The following TMEM150C variants were observed in gnomAD, a reference collection of about 807,000 sequenced individuals.
TMEM150C encodes tentonin 3.
TMEM150C carries 10 observed loss-of-function variants against 29.9 expected under a neutral mutation model. The ratio of observed to expected loss-of-function variants is 0.33; its 90% CI spans 0.21 to 0.57. TMEM150C has a LOEUF of 0.57. Among genes scored for constraint, TMEM150C ranks in the 20% least tolerant of loss-of-function variants. The pLI, the probability that TMEM150C is intolerant of heterozygous loss-of-function variation, is 0.88. For missense variants in TMEM150C, 251 were observed against 303.6 expected (o/e 0.83, Z 1.29); for synonymous variants, 101 against 112.5 (o/e 0.90, Z 0.64).
intron 1 of TMEM150C, among the ~76,000 whole-genome samples, chr4:82,524,889 C>A (rs1167641443): frequency 6.6e-6 from 1 of 152,184 alleles, no homozygotes; most frequent in Admixed American, 6.5e-5. Context: ...GCTAGACAGG[C>A]ATCCTGGGTA....
chr4:82,517,464 C>A (rs918713756), intron 1 of TMEM150C, among the ~76,000 whole-genome samples: 1 of 152,172 alleles, frequency 6.6e-6, no homozygotes, highest in Non-Finnish European at 1.5e-5. Flanking sequence ...AAAACTCACC[C>A]TTACCAATGT....
intron 5 of TMEM150C, among the ~76,000 whole-genome samples, chr4:82,499,311 T>G (rs1723653528): frequency 6.6e-6 from 1 of 152,214 alleles, no homozygotes; most frequent in Non-Finnish European, 1.5e-5. Context: ...ATTTTTAGAT[T>G]TCACTAACAG....
At chr4:82,543,913 C>T (rs536028791) in intron 1 of TMEM150C, among the ~76,000 whole-genome samples, 2 of 152,280 alleles carry the variant, frequency 1.3e-5, no homozygotes, top group South Asian at 4.1e-4. Context: ...CCTTCAATGT[C>T]CCCTAAGGGA....
chr4:82,502,658 G>T, intron 5 of TMEM150C, 69 bp downstream of exon 5: 1 of 1,463,514 alleles, frequency 6.8e-7, no homozygotes, highest in Non-Finnish European at 9.4e-7. Flanking sequence ...TTTGACAAGG[G>T]TTTGGGAGAA....
chr4:82,510,014 G>C (rs1033772203), intron 1 of TMEM150C, among the ~76,000 whole-genome samples: 4 of 152,082 alleles, frequency 2.6e-5, no homozygotes, highest in African/African-American at 9.7e-5. Context: ...AAATGGAAAA[G>C]TAAAGCCCAA....
At chr4:82,518,958 A>G (rs1226118871) in intron 1 of TMEM150C, among the ~76,000 whole-genome samples, 2 of 152,164 alleles carry the variant, frequency 1.3e-5, no homozygotes, top group Non-Finnish European at 2.9e-5. Context: ...ACTCCCCCCA[A>G]TATCTTGACT....
chr4:82,511,989 G>C (rs1471863565), intron 1 of TMEM150C, among the ~76,000 whole-genome samples: 1 of 152,280 alleles, frequency 6.6e-6, no homozygotes, highest in East Asian at 1.9e-4. Flanking sequence ...TTTTATTAGG[G>C]ACAGCAATGT....
chr4:82,513,657 A>T (rs1724203245), intron 1 of TMEM150C, among the ~76,000 whole-genome samples: 1 of 152,170 alleles, frequency 6.6e-6, no homozygotes, highest in African/African-American at 2.4e-5. Flanking sequence ...GAGAGATACA[A>T]AAGAAGAGGA....
In TMEM150C at chr4:82,485,261, T is replaced by A. The variant is rs1723121213; in HGVS notation, c.*250A>T. 2 of 461,796 alleles carry A rather than the reference T, an allele frequency of 4.3e-6. No individual in the cohort carries two copies. The highest frequency in any genetic ancestry group is 7.9e-6 in the Non-Finnish European group (2 of 251,590). The allele number at this position is 461,796 out of a possible 1,614,324, so 28.6% of individuals were successfully genotyped here. A position where few individuals can be genotyped will look rare whatever the true frequency, so the allele number is the denominator to read the frequency against. Reference sequence around the variant, plus strand: ...TGGGAAGGGGACGGATAAGAAGTGATCATGCACAAGCTTCTTGCTCTGTCG... The same window carrying A: ...TGGGAAGGGGACGGATAAGAAGTGAACATGCACAAGCTTCTTGCTCTGTCG... On this transcript the variant is annotated 3_prime_UTR_variant, in exon 8 of 8. Transcript: ENST00000449862.
chr4:82,531,026 A>C (rs1724829297), intron 1 of TMEM150C, among the ~76,000 whole-genome samples: 1 of 152,186 alleles, frequency 6.6e-6, no homozygotes, highest in Non-Finnish European at 1.5e-5. Flanking sequence ...CCTCACCTCC[A>C]ACACTGGGGA....
chr4:82,499,868 A>G (rs1217588674), intron 5 of TMEM150C, among the ~76,000 whole-genome samples: 1 of 151,938 alleles, frequency 6.6e-6, no homozygotes, highest in Non-Finnish European at 1.5e-5. Flanking sequence ...ACCTGGCCAA[A>G]TTTTTGTTTT....
At chr4:82,545,312 T>C (rs899163241) in intron 1 of TMEM150C, among the ~76,000 whole-genome samples, 19 of 152,188 alleles carry the variant, frequency 1.2e-4, no homozygotes, top group African/African-American at 2.4e-5. Context: ...ATCATCTCAA[T>C]AGATGTGGTA....
chr4:82,561,172 AG>A (rs1168977023), intron 1 of TMEM150C, among the ~76,000 whole-genome samples: 1 of 152,228 alleles, frequency 6.6e-6, no homozygotes, highest in Non-Finnish European at 1.5e-5. Context: ...TCATTTAAGG[AG>A]GGGAAAACCA....
intron 1 of TMEM150C, among the ~76,000 whole-genome samples, chr4:82,542,332 G>A (rs1725225847): frequency 6.6e-6 from 1 of 152,224 alleles, no homozygotes; most frequent in Admixed American, 6.5e-5. Flanking sequence ...GTTCAGATCA[G>A]TGGGCAGTAA....
At position 82,558,295 on chromosome 4, in the gene TMEM150C, A is replaced by G. The variant is rs151169615; in HGVS notation, c.-11+3611T>C. 1.6e-3 allele frequency among the ~76,000 whole-genome samples: 244 copies of G among 152,340 alleles called. 1 individual carries two copies. The highest frequency in any genetic ancestry group is 5.7e-3 in the African/African-American group (239 of 41,586). On this transcript the variant is annotated intron_variant, in intron 1 of 7. Coordinates refer to ENST00000449862, the MANE Select transcript of TMEM150C (RefSeq NM_001080506.3). ...CACTAGCCCACATTTCAAGCGTTCA[A>G]TAGCCACATGTGGCTCATGGTTATC...
At chr4:82,541,526 T>G (rs191519777) in intron 1 of TMEM150C, among the ~76,000 whole-genome samples, 90 of 152,330 alleles carry the variant, frequency 5.9e-4, no homozygotes, top group Middle Eastern at 3.4e-3. Context: ...ACATTTTATT[T>G]CATTATTTCT....
chr4:82,520,864 G>A (rs745998104), intron 1 of TMEM150C, among the ~76,000 whole-genome samples: 20 of 152,064 alleles, frequency 1.3e-4, no homozygotes, highest in Admixed American at 1.0e-3. Context: ...GACAAAGTGA[G>A]ACCCTGTCTC....
At chr4:82,531,262 GAGA>G (rs1398474476) in intron 1 of TMEM150C, among the ~76,000 whole-genome samples, 1 of 152,194 alleles carries the variant, frequency 6.6e-6, no homozygotes, top group Non-Finnish European at 1.5e-5. Flanking sequence ...ACATTTAGGA[GAGA>G]AGTACGAGGA....
At chr4:82,494,581 GA>G (rs1190535254) in intron 6 of TMEM150C, among the ~76,000 whole-genome samples, 3 of 151,446 alleles carry the variant, frequency 2.0e-5, no homozygotes, top group Non-Finnish European at 2.9e-5. Flanking sequence ...AATTTGTTAC[GA>G]AAAAAAAGTA....
Sources: gnomAD v4.1 joint callset for allele counts (sites outside exome capture counted in the v4.1 genomes callset) on GRCh38, gnomAD v4.1.1 for gene constraint, MANE v1.5 for transcripts, NCBI Gene and HGNC (gene_info 2026-07-23, HGNC 2026-07-21) for gene names.